The following ACOT2 variants were observed in gnomAD, a reference collection of about 807,000 sequenced individuals.
The protein encoded by ACOT2 is acyl-coenzyme A thioesterase 2, mitochondrial.
A neutral mutation model predicts 20.1 loss-of-function variants in ACOT2; 15 were observed. That is an observed-to-expected ratio of 0.75 (90% CI 0.50 to 1.15). The LOEUF (loss-of-function observed/expected upper bound fraction) is 1.15. ACOT2 is among the 50% of genes most tolerant of loss of function. ACOT2 has a pLI of 0.00. For synonymous variants in ACOT2, 252 were observed against 268.4 expected (o/e 0.94, Z 0.60); for missense variants, 479 against 615.3 (o/e 0.78, Z 2.34).
chr14:73,569,229 C>T lies in ACOT2; in HGVS notation c.-12C>T. Reference sequence around the variant, plus strand: ...CTAGTGGGCGCTTAGCCTGCGACGGCAGCCCGAGAGGATGTCTAACAAGCT... The same window carrying T: ...CTAGTGGGCGCTTAGCCTGCGACGGTAGCCCGAGAGGATGTCTAACAAGCT... On this transcript the variant is annotated 5_prime_UTR_variant, in exon 1 of 3. Transcript: ENST00000238651. The T allele has an allele frequency of 1.2e-6, 2 of 1,612,466 alleles. No individual in the cohort carries two copies. The highest frequency in any genetic ancestry group is 1.7e-6 in the Non-Finnish European group (2 of 1,178,816).
chr14:73,569,072 G>A (rs1227985930), upstream of ACOT2: 2 of 840,224 alleles, frequency 2.4e-6, no homozygotes, highest in African/African-American at 3.4e-5. Context: ...GCAAACCTAG[G>A]AAGTAGCTTT....
At chr14:73,569,026 T>C (rs1461388478), upstream of ACOT2, 2 of 616,216 alleles carry the variant, frequency 3.2e-6, no homozygotes, top group Non-Finnish European at 2.8e-6. Context: ...CCAGCCCTGG[T>C]CCAGCCCATT....
In ACOT2 at chr14:73,569,720, G is replaced by A; in HGVS notation, c.480G>A (p.Val160=). 1 of 1,609,418 alleles carries A rather than the reference G, an allele frequency of 6.2e-7. No homozygotes were observed. The highest frequency in any genetic ancestry group is 8.5e-7 in the Non-Finnish European group (1 of 1,178,882). The change falls in exon 1 of 3, where the codon GTG becomes GTA. Residue 160 remains valine, a synonymous_variant. Coordinates refer to ENST00000238651, the MANE Select transcript of ACOT2 (RefSeq NM_006821.6). ...KPLVRLVKRD[V]RTPLAVELEV... ...TGGTGCGGCTGGTGAAGCGCGACGTGCGAACGCCCTTGGCCGTGGAGCTGG... is the reference window on the plus strand; with the variant it reads ...TGGTGCGGCTGGTGAAGCGCGACGTACGAACGCCCTTGGCCGTGGAGCTGG...
At chr14:73,569,968 A>G in intron 1 of ACOT2, 85 bp downstream of exon 1, 4 of 1,456,138 alleles carry the variant, frequency 2.7e-6, no homozygotes, top group South Asian at 1.4e-5. Flanking sequence ...GCTTATGTGT[A>G]TGCCCCCCCG....
At position 73,569,481 on chromosome 14, in the gene ACOT2, G is replaced by A; in HGVS notation, c.241G>A (p.Val81Met). 1 of 1,612,806 alleles carries A rather than the reference G, an allele frequency of 6.2e-7. No individual in the cohort carries two copies. The highest frequency in any genetic ancestry group is 8.5e-7 in the Non-Finnish European group (1 of 1,179,610). Residue 81 changes from valine (V) to methionine (M), a missense_variant, in exon 1 of 3, where the codon GTG becomes ATG. Val to Met is a conservative substitution (Grantham distance 21). Around this residue, in one of 4 missense-constraint regions of ACOT2, gnomAD observed 400 missense variants for 395.5 expected, o/e 1.01. Transcript: ENST00000238651. ...GGGCCGCTGCTGCTGGGACGAACCG[G>A]TGCGAATCGCCGTGCGCGGCCTAGC... The part of the protein sequence containing the change: ...PAGRCCWDEP[V>M]RIAVRGLAPE...
chr14:73,570,309 C>T (rs1490384095), intron 1 of ACOT2, among the ~76,000 whole-genome samples: 9 of 151,798 alleles, frequency 5.9e-5, no homozygotes, highest in African/African-American at 2.2e-4. Context: ...GTGGCTCACG[C>T]TTGTAATCCC....
Position 73,575,559 on chromosome 14 carries a change from AAC to A in ACOT2, c.*48_*49del, listed in dbSNP as rs1340741429. ...CTCTCTGTTGCTAATCTCTCCTGGA[AAC>A]ATCTGCCACATTTAGTGTGTGTATG... On this transcript the variant is annotated 3_prime_UTR_variant, in exon 3 of 3. Transcript: ENST00000238651. 2 of 1,537,620 alleles carry A rather than the reference AAC, an allele frequency of 1.3e-6. No homozygotes were observed. Among genetic ancestry groups the A allele is most frequent in the East Asian group, 4.5e-5 (2 of 43,974 alleles).
chr14:73,570,242 C>T (rs1379912539), intron 1 of ACOT2, among the ~76,000 whole-genome samples: 1 of 151,632 alleles, frequency 6.6e-6, no homozygotes, highest in Non-Finnish European at 1.5e-5. Context: ...CGCTCCAAAA[C>T]TGAGAGGTCC....
chr14:73,570,492 C>A (rs1441975211), intron 1 of ACOT2, among the ~76,000 whole-genome samples: 1 of 151,940 alleles, frequency 6.6e-6, no homozygotes, highest in Non-Finnish European at 1.5e-5. Context: ...TGGTGTGAAC[C>A]CGGGAGGCAG....
chr14:73,572,033 C>G (rs1235126675), intron 1 of ACOT2, among the ~76,000 whole-genome samples: 2 of 150,924 alleles, frequency 1.3e-5, no homozygotes, highest in Non-Finnish European at 3.0e-5. Context: ...AATTGCTGAC[C>G]AGTATGTGGA....
Position 73,573,401 on chromosome 14 carries a change from T to C in ACOT2, c.657T>C (p.Phe219=). ...TLFLPPEPGP[F]PGIVDMFGTG... Reference sequence around the variant, plus strand: ...TTTCTTCCCAAGAACCTGGGCCCTTTCCTGGGATTGTGGACATGTTCGGAA... The same window carrying C: ...TTTCTTCCCAAGAACCTGGGCCCTTCCCTGGGATTGTGGACATGTTCGGAA... The change falls in exon 2 of 3, where the codon TTT becomes TTC. Residue 219 remains phenylalanine, a synonymous_variant. Coordinates refer to ENST00000238651, the MANE Select transcript of ACOT2 (RefSeq NM_006821.6). 6.2e-7 allele frequency: 1 copy of C among 1,613,706 alleles called. No individual in the cohort carries two copies. Among genetic ancestry groups the C allele is most frequent in the Non-Finnish European group, 8.5e-7 (1 of 1,179,690 alleles).
At chr14:73,573,707 A>G in intron 2 of ACOT2, 117 bp downstream of exon 2, 1 of 1,213,892 alleles carries the variant, frequency 8.2e-7, no homozygotes, top group Non-Finnish European at 1.2e-6. Flanking sequence ...AACACACACT[A>G]CCTTTTTTAG....
At position 73,569,811 on chromosome 14, in the gene ACOT2, TTCC is replaced by T. The variant is rs1889679892; in HGVS notation, c.575_577del (p.Leu192del). On this transcript the variant is annotated inframe_deletion, in exon 1 of 3. Coordinates refer to ENST00000238651, the MANE Select transcript of ACOT2 (RefSeq NM_006821.6). Reference sequence around the variant, plus strand: ...GTGCCAGACGCGGCACGAGCGCTACTTCCTCCCGCCCGGGGTGCGGCGCGAGCC... The same window carrying T: ...GTGCCAGACGCGGCACGAGCGCTACTTCCCGCCCGGGGTGCGGCGCGAGCC... 6.2e-7 allele frequency: 1 copy of T among 1,601,414 alleles called. No homozygotes were observed. Among genetic ancestry groups the T allele is most frequent in the Admixed American group, 1.7e-5 (1 of 58,930 alleles).
chr14:73,575,535 T>C lies in ACOT2; in HGVS notation c.*22T>C. 3.3e-6 allele frequency: 5 copies of C among 1,511,136 alleles called. No homozygotes were observed. The highest frequency in any genetic ancestry group is 4.4e-6 in the Non-Finnish European group (5 of 1,130,670). 93.6% of individuals were successfully genotyped at this position (1,511,136 alleles called of 1,614,324 possible). A position where few individuals can be genotyped will look rare whatever the true frequency, so the allele number is the denominator to read the frequency against. On this transcript the variant is annotated 3_prime_UTR_variant, in exon 3 of 3. Coordinates refer to ENST00000238651, the MANE Select transcript of ACOT2 (RefSeq NM_006821.6). ...GTAAATTTTATTTGATCATGTGGCC[T>C]CTCTGTTGCTAATCTCTCCTGGAAA... is the stretch of plus-strand genomic sequence containing the variant.
In ACOT2 at chr14:73,569,481, G is replaced by C. The variant is rs755610581; in HGVS notation, c.241G>C (p.Val81Leu). 4.7e-5 allele frequency: 76 copies of C among 1,612,690 alleles called. No homozygotes were observed. The highest frequency in any genetic ancestry group is 6.3e-5 in the Non-Finnish European group (74 of 1,179,618). The stretch of plus-strand genomic sequence containing the variant: ...GGGCCGCTGCTGCTGGGACGAACCG[G>C]TGCGAATCGCCGTGCGCGGCCTAGC... ...PAGRCCWDEP[V>L]RIAVRGLAPE... The change falls in exon 1 of 3, where the codon GTG becomes CTG. Residue 81 changes from valine to leucine, a missense_variant. Around this residue, in one of 4 missense-constraint regions of ACOT2, gnomAD observed 400 missense variants for 395.5 expected, o/e 1.01. Coordinates refer to ENST00000238651, the MANE Select transcript of ACOT2 (RefSeq NM_006821.6).
At chr14:73,574,867 G>C (rs780709285) in intron 2 of ACOT2, 41 bp from the exon 3 acceptor site, 2 of 1,613,396 alleles carry the variant, frequency 1.2e-6, no homozygotes, top group Non-Finnish European at 1.7e-6. Flanking sequence ...TCCACTGTTT[G>C]TGGAATCATT....
In ACOT2 at chr14:73,573,409, T is replaced by C. The variant is rs1301411147; in HGVS notation, c.665T>C (p.Ile222Thr). The C allele has an allele frequency of 1.9e-5, 31 of 1,613,766 alleles. No homozygotes were observed. Among genetic ancestry groups the C allele is most frequent in the Non-Finnish European group, 2.6e-5 (31 of 1,179,726 alleles). Residue 222 changes from isoleucine to threonine, a missense_variant, in exon 2 of 3, where the codon ATT (isoleucine) becomes ACT (threonine). This residue lies in a region of ACOT2 where 400 missense variants were observed against 395.5 expected (regional missense o/e 1.01). Transcript: ENST00000238651. ...CAAGAACCTGGGCCCTTTCCTGGGATTGTGGACATGTTCGGAACTGGAGGT... is the reference window on the plus strand; with the variant it reads ...CAAGAACCTGGGCCCTTTCCTGGGACTGTGGACATGTTCGGAACTGGAGGT... ...LPPEPGPFPG[I>T]VDMFGTGGGL...
chr14:73,570,438 G>A (rs1278075304), intron 1 of ACOT2, among the ~76,000 whole-genome samples: 1 of 151,874 alleles, frequency 6.6e-6, no homozygotes, highest in African/African-American at 2.4e-5. Flanking sequence ...GCGTAGTAGC[G>A]GGCGCCTGTA....
At position 73,569,717 on chromosome 14, in the gene ACOT2, C is replaced by A. The variant is rs141124427; in HGVS notation, c.477C>A (p.Asp159Glu). ...CTTTGGTGCGGCTGGTGAAGCGCGA[C>A]GTGCGAACGCCCTTGGCCGTGGAGC... The part of the protein sequence containing the change: ...EKPLVRLVKR[D>E]VRTPLAVELE... Residue 159 changes from aspartate (D) to glutamate (E), a missense_variant, in exon 1 of 3, where the codon GAC becomes GAA. Physicochemically the swap from Asp to Glu is conservative, Grantham distance 45. Around this residue, in one of 4 missense-constraint regions of ACOT2, gnomAD observed 400 missense variants for 395.5 expected, o/e 1.01. Coordinates refer to ENST00000238651, the MANE Select transcript of ACOT2 (RefSeq NM_006821.6). 1.2e-4 allele frequency: 199 copies of A among 1,609,342 alleles called. 2 individuals are homozygous for A. In the African/African-American group the frequency reaches 2.4e-3, roughly 20 times the overall value.
Sources: gnomAD v4.1 joint callset for allele counts (sites outside exome capture counted in the v4.1 genomes callset) on GRCh38, gnomAD v4.1.1 for gene constraint, gnomAD v4.1.1 regional missense constraint, MANE v1.5 for transcripts, NCBI Gene and HGNC (gene_info 2026-07-23, HGNC 2026-07-21) for gene names.